Variants in LCT observed in about 807,000 individuals in gnomAD.
LCT encodes the protein lactase, also known as lactase/phlorizin hydrolase.
A neutral mutation model predicts 173.0 loss-of-function variants in LCT; 90 were observed. The ratio of observed to expected loss-of-function variants is 0.52; its 90% CI spans 0.44 to 0.62. The LOEUF (loss-of-function observed/expected upper bound fraction) is 0.62, where lower values mean the gene tolerates loss of function less well. Among genes scored for constraint, LCT ranks in the 20% least tolerant of loss-of-function variants. The pLI, the probability that LCT is intolerant of heterozygous loss-of-function variation, is 0.00. For synonymous variants in LCT, 853 were observed against 957.6 expected (o/e 0.89, Z 2.02); for missense variants, 1,864 against 2,431.4 (o/e 0.77, Z 4.91).
intron 11 of LCT, 132 bp downstream of exon 11, chr2:135,803,798 C>G: frequency 1.3e-6 from 1 of 780,572 alleles, no homozygotes; most frequent in Non-Finnish European, 2.2e-6. Context: ...ACCTCTACAG[C>G]CCTGAGCAAG....
intron 9 of LCT, among the ~76,000 whole-genome samples, chr2:135,806,404 T>A (rs1224378872): frequency 1.3e-5 from 2 of 152,150 alleles, no homozygotes; most frequent in Non-Finnish European, 2.9e-5. Context: ...GAAAAACATT[T>A]AAAAAATAAA....
chr2:135,808,591 C>T lies in LCT; in HGVS notation c.3756G>A (p.Gly1252=). ...TGATCCAGTTCAGCAGCCTTCGCGT[C>T]CCCCAGGGCGCAGCTCTGTTCATTG... is the stretch of plus-strand genomic sequence containing the variant. ...STAMNRAAPW[G]TRRLLNWIKE... The change falls in exon 8 of 17, where the codon GGG becomes GGA. Residue 1252 remains glycine, a synonymous_variant. Transcript: ENST00000264162. 1 of 1,614,210 alleles carries T rather than the reference C, an allele frequency of 6.2e-7. No individual in the cohort carries two copies. Among genetic ancestry groups the T allele is most frequent in the Non-Finnish European group, 8.5e-7 (1 of 1,180,020 alleles).
intron 3 of LCT, among the ~76,000 whole-genome samples, chr2:135,828,466 T>C (rs148203566): frequency 7.2e-5 from 11 of 152,200 alleles, no homozygotes; most frequent in Non-Finnish European, 8.8e-5. Context: ...CGGGGAGTGG[T>C]TTTGTGCCCA....
chr2:135,800,932 G>T, intron 11 of LCT, 123 bp from the exon 12 acceptor site: 1 of 764,042 alleles, frequency 1.3e-6, no homozygotes, highest in Non-Finnish European at 2.2e-6. Flanking sequence ...CTGACACTAG[G>T]AAAACTGGAA....
rs192855320 is a variant in LCT at position 135,794,008 on chromosome 2, T to C, written c.5111+633A>G. 4.1e-5 allele frequency among the ~76,000 whole-genome samples: 6 copies of C among 146,666 alleles called. No individual in the cohort carries two copies. The East Asian group carries it at 1.2e-3, about 29-fold the overall frequency. The stretch of plus-strand genomic sequence containing the variant: ...AAAAAAAATTAGCCAGGCGTGGAGG[T>C]ACGCGCCTGTAATCCCAGCTACTTG... On this transcript the variant is annotated intron_variant, in intron 14 of 16. Coordinates refer to ENST00000264162, the MANE Select transcript of LCT (RefSeq NM_002299.4).
chr2:135,808,621 G>A lies in LCT; in HGVS notation c.3726C>T (p.Ser1242=). ...AGGGCGCAGCTCTGTTCATTGCCGT[G>A]GAAGGCCACGAAGGGTCCTCCTCCT... ...MAEEEDPSWP[S]TAMNRAAPWG... Residue 1242 remains serine, a synonymous_variant, in exon 8 of 17, where the codon TCC becomes TCT. Transcript: ENST00000264162. 5 of 1,614,226 alleles carry A rather than the reference G, an allele frequency of 3.1e-6. No homozygotes were observed. Among genetic ancestry groups the A allele is most frequent in the Non-Finnish European group, 4.2e-6 (5 of 1,180,042 alleles).
chr2:135,788,201 G>T lies in LCT; in HGVS notation c.*123C>A. ...TTCAAGATTAAAGTCATCTCTAACGGTGCAGCAGGACTTTATGGAGAAGTC... is the reference window on the plus strand; with the variant it reads ...TTCAAGATTAAAGTCATCTCTAACGTTGCAGCAGGACTTTATGGAGAAGTC... On this transcript the variant is annotated 3_prime_UTR_variant, in exon 17 of 17. Transcript: ENST00000264162. 2.6e-6 allele frequency: 2 copies of T among 760,948 alleles called. No homozygotes were observed. The highest frequency in any genetic ancestry group is 2.8e-5 in the South Asian group (2 of 70,306). The allele number at this position is 760,948 out of a possible 1,614,324, so 47.1% of individuals were successfully genotyped here.
chr2:135,810,142 G>A, intron 7 of LCT, 149 bp from the exon 8 acceptor site: 1 of 632,824 alleles, frequency 1.6e-6, no homozygotes, highest in Non-Finnish European at 2.8e-6. Flanking sequence ...GTGAGCTAGT[G>A]CACCATTATT....
At chr2:135,831,124 T>C (rs182615028) in intron 2 of LCT, among the ~76,000 whole-genome samples, 32 of 152,246 alleles carry the variant, frequency 2.1e-4, no homozygotes, top group African/African-American at 7.5e-4. Context: ...TGATGCCCAC[T>C]CAAGCTTGGG....
chr2:135,793,031 A>C (rs1351508471), intron 14 of LCT, among the ~76,000 whole-genome samples: 1 of 152,180 alleles, frequency 6.6e-6, no homozygotes, highest in Non-Finnish European at 1.5e-5. Flanking sequence ...CCATTATAGC[A>C]ACTCATAACA....
intron 9 of LCT, among the ~76,000 whole-genome samples, chr2:135,806,205 G>A (rs567755064): frequency 7.4e-4 from 112 of 152,174 alleles, no homozygotes; most frequent in Admixed American, 2.0e-3. Context: ...GCCCAGGCTG[G>A]TTTTGAACTC....
At chr2:135,819,911 G>T (rs2077813794) in intron 5 of LCT, among the ~76,000 whole-genome samples, 1 of 152,284 alleles carries the variant, frequency 6.6e-6, no homozygotes, top group African/African-American at 2.4e-5. Context: ...GGATGAAACA[G>T]AACTTGCTGT....
At chr2:135,801,814 T>G (rs1209913032) in intron 11 of LCT, among the ~76,000 whole-genome samples, 1 of 151,852 alleles carries the variant, frequency 6.6e-6, no homozygotes, top group African/African-American at 2.4e-5. Context: ...CCTCAGGTGA[T>G]CCACCTGTCT....
intron 6 of LCT, among the ~76,000 whole-genome samples, chr2:135,813,977 CTTG>C (rs2105539298): frequency 6.6e-6 from 1 of 152,298 alleles, no homozygotes; most frequent in African/African-American, 2.4e-5. Context: ...CTGTTACTAA[CTTG>C]TTAACTTGGA....
intron 10 of LCT, 129 bp from the exon 11 acceptor site, chr2:135,804,257 T>TTTTTTC (rs1277236956): frequency 7.7e-6 from 6 of 784,262 alleles, no homozygotes; most frequent in Non-Finnish European, 1.3e-5. Flanking sequence ...GCTCAAAGAT[T>TTTTTTC]TTTTTCTTTT....
chr2:135,828,485 G>T (rs1250897448), intron 3 of LCT, among the ~76,000 whole-genome samples: 1 of 152,208 alleles, frequency 6.6e-6, no homozygotes, highest in Non-Finnish European at 1.5e-5. Context: ...CAAACCTGAA[G>T]AGGCAGGGGG....
rs555003753 is a variant in LCT, at chr2:135,836,952, G to A, written c.218C>T (p.Pro73Leu). ...GGCATGGAGACTGCTGAAGTATTCT[G>A]GCAGGAAAGTGGGCAGTGGCTGGTG... ...VCHQPLPTFL[P>L]EYFSSLHASQ... is the part of the protein sequence containing the mutation. The change falls in exon 1 of 17, where the codon CCA (proline) becomes CTA (leucine). Residue 73 changes from proline to leucine, a missense_variant. Physicochemically the swap from Pro to Leu is moderately conservative, Grantham distance 98. This residue lies in a region of LCT where 412 missense variants were observed against 462.0 expected (regional missense o/e 0.89). Coordinates refer to ENST00000264162, the MANE Select transcript of LCT (RefSeq NM_002299.4). 7 of 1,614,148 alleles carry A rather than the reference G, an allele frequency of 4.3e-6. No individual in the cohort carries two copies. The South Asian group carries it at 7.7e-5, about 18-fold the overall frequency.
At chr2:135,792,708 C>A (rs1415856785) in intron 14 of LCT, among the ~76,000 whole-genome samples, 1 of 152,200 alleles carries the variant, frequency 6.6e-6, no homozygotes, top group Non-Finnish European at 1.5e-5. Flanking sequence ...GAGAACCAGC[C>A]CCCTATTCCC....
rs752406025 is a variant in LCT, at chr2:135,804,053, G to A, written c.4540C>T (p.Arg1514Trp). Reference sequence around the variant, plus strand: ...AGCACATCTGCATACTCCTTAAACCGCTGCACGATGGTCTCATTCTCCCAG... The same window carrying A: ...AGCACATCTGCATACTCCTTAAACCACTGCACGATGGTCTCATTCTCCCAG... Reference protein sequence around the residue: ...GGWENETIVQRFKEYADVLFQ... With the variant: ...GGWENETIVQWFKEYADVLFQ... Residue 1514 changes from arginine to tryptophan, a missense_variant, in exon 11 of 17, where the codon CGG (arginine) becomes TGG (tryptophan). By Grantham distance (101) the Arg-to-Trp change is moderately radical. Coordinates refer to ENST00000264162, the MANE Select transcript of LCT (RefSeq NM_002299.4). 2.0e-5 allele frequency: 32 copies of A among 1,614,020 alleles called. No individual in the cohort carries two copies. The highest frequency in any genetic ancestry group is 3.3e-4 in the Middle Eastern group (2 of 6,058).
Sources: allele counts gnomAD v4.1 joint callset (sites outside exome capture counted in the v4.1 genomes callset), GRCh38; gene constraint gnomAD v4.1.1; regional missense constraint gnomAD v4.1.1; transcripts MANE v1.5; gene names NCBI Gene and HGNC (gene_info 2026-07-23, HGNC 2026-07-21).